ZC2HC1B: variants seen among roughly 807,000 people sequenced by gnomAD.
ZC2HC1B encodes zinc finger C2HC-type containing 1B.
ZC2HC1B carries 36 observed loss-of-function variants against 31.0 expected under a neutral mutation model. The ratio of observed to expected loss-of-function variants is 1.16; its 90% CI spans 0.89 to 1.54. The LOEUF is 1.54. Among genes scored for constraint, ZC2HC1B ranks in the 40% most tolerant of loss-of-function variants. ZC2HC1B has a pLI of 0.00. For synonymous variants in ZC2HC1B, 73 were observed against 88.0 expected, an observed-to-expected ratio of 0.83 and a Z score of 0.95; for missense variants, 260 against 268.6, an observed-to-expected ratio of 0.97 and a Z score of 0.22.
At chr6:143,898,784 T>G (rs1352522777) in intron 5 of ZC2HC1B, 93 bp downstream of exon 5, 3 of 1,444,908 alleles carry the variant, frequency 2.1e-6, no homozygotes, top group Non-Finnish European at 1.9e-6. Context: ...TTACCCATCC[T>G]AAGAAGTGTA....
At chr6:143,879,617 T>C (rs1250755948) in intron 1 of ZC2HC1B, among the ~76,000 whole-genome samples, 1 of 152,164 alleles carries the variant, frequency 6.6e-6, no homozygotes, top group African/African-American at 2.4e-5. Context: ...TGTCTTCCTT[T>C]TTTCTTCTCT....
rs1360995578 is a variant in ZC2HC1B at position 143,886,042 on chromosome 6, G to C, written c.101G>C (p.Gly34Ala). 2.0e-6 allele frequency: 3 copies of C among 1,533,408 alleles called. No individual in the cohort carries two copies. The highest frequency in any genetic ancestry group is 1.7e-4 in the Middle Eastern group (1 of 5,878). The allele number at this position is 1,533,408 out of a possible 1,614,324, so 95.0% of individuals were successfully genotyped here. ...RFAADVLERH[G>A]PICKKLFNRK... The stretch of plus-strand genomic sequence containing the variant: ...CTCTTCGTTTTCTAGGAAAGGCATG[G>C]ACCAATATGTAAGAAACTCTTCAAC... Residue 34 changes from glycine to alanine, a missense_variant, in exon 3 of 8, where the codon GGA (glycine) becomes GCA (alanine). Physicochemically the swap from Gly to Ala is moderately conservative, Grantham distance 60. Transcript: ENST00000237275. This position sits in a 1 kb window ranked among gnomAD's most constrained non-coding sequence, Gnocchi z 4.2.
intron 6 of ZC2HC1B, among the ~76,000 whole-genome samples, chr6:143,912,698 G>T (rs1777874524): frequency 1.3e-5 from 2 of 152,244 alleles, no homozygotes; most frequent in Non-Finnish European, 2.9e-5. Flanking sequence ...GAAGACTCCT[G>T]TTGGGGGGTC....
intron 1 of ZC2HC1B, among the ~76,000 whole-genome samples, chr6:143,873,822 C>A (rs893748391): frequency 2.0e-5 from 3 of 152,220 alleles, no homozygotes; most frequent in Non-Finnish European, 2.9e-5. Context: ...CCTCCTAGAC[C>A]TCTGGGCGTT....
chr6:143,895,941 C>T lies in ZC2HC1B; in HGVS notation c.350-2611C>T, dbSNP rs765099749. ...ATTGATAGAGGAAGAGAGGTGACTC[C>T]GATTGAGCTGAGTGTAGAACATGTA... On this transcript the variant is annotated intron_variant, in intron 4 of 7. Coordinates refer to ENST00000237275, the MANE Select transcript of ZC2HC1B (RefSeq NM_001013623.3). The surrounding 1 kb of genome is among the most constrained non-coding windows in gnomAD (Gnocchi z 4.8). Among the ~76,000 whole-genome samples the T allele has an allele frequency of 5.9e-5, 9 of 152,094 alleles. No individual in the cohort carries two copies. Among genetic ancestry groups the T allele is most frequent in the Non-Finnish European group, 1.3e-4 (9 of 68,028 alleles).
intron 5 of ZC2HC1B, among the ~76,000 whole-genome samples, chr6:143,901,053 G>A (rs1300181918): frequency 2.0e-5 from 3 of 151,832 alleles, no homozygotes; most frequent in Non-Finnish European, 2.9e-5. Flanking sequence ...TGGCCAGGCT[G>A]GTCACAAACC....
At chr6:143,930,064 G>A (rs533889810) in intron 6 of ZC2HC1B, among the ~76,000 whole-genome samples, 25 of 151,958 alleles carry the variant, frequency 1.6e-4, no homozygotes, top group Non-Finnish European at 2.5e-4. Context: ...TTGATCTTTT[G>A]TATTGTGTTT....
In ZC2HC1B at chr6:143,934,071, C is replaced by A. The variant is rs990025104; in HGVS notation, c.599-3578C>A. ...CTGCTGCTTCTACTTTTACATTTCA[C>A]AGCAAATCAATTTCAGCTCTAGGTA... is the stretch of plus-strand genomic sequence containing the variant. On this transcript the variant is annotated intron_variant, in intron 6 of 7. Transcript: ENST00000237275. This position sits in a 1 kb window ranked among gnomAD's most constrained non-coding sequence, Gnocchi z 4.6. 9.8e-5 allele frequency among the ~76,000 whole-genome samples: 15 copies of A among 152,348 alleles called. No homozygotes were observed. The highest frequency in any genetic ancestry group is 3.4e-3 in the Middle Eastern group (1 of 294).
chr6:143,882,239 T>A (rs1777475976), intron 1 of ZC2HC1B, among the ~76,000 whole-genome samples: 2 of 150,638 alleles, frequency 1.3e-5, no homozygotes, highest in Admixed American at 6.6e-5. Context: ...CCTTCACTAG[T>A]GTTTTAGAAA....
rs777914989 is a variant in ZC2HC1B, at chr6:143,886,492, A to T, written c.211-191A>T. ...TGATTTTTATTTTGTGTTTTCCCTCACTCTTGTGGCTTGCAAATTATATTA... is the reference window on the plus strand; with the variant it reads ...TGATTTTTATTTTGTGTTTTCCCTCTCTCTTGTGGCTTGCAAATTATATTA... On this transcript the variant is annotated intron_variant, in intron 3 of 7. Coordinates refer to ENST00000237275, the MANE Select transcript of ZC2HC1B (RefSeq NM_001013623.3). The surrounding 1 kb of genome is among the most constrained non-coding windows in gnomAD (Gnocchi z 4.2). Among the ~76,000 whole-genome samples, 1 of 151,734 alleles carries T rather than the reference A, an allele frequency of 6.6e-6. No homozygotes were observed. The highest frequency in any genetic ancestry group is 1.5e-5 in the Non-Finnish European group (1 of 67,890).
rs188286934 is a variant in ZC2HC1B at position 143,885,169 on chromosome 6, A to G, written c.90+804A>G. ...CTGACTATGTTTTGGACAAAAGACT[A>G]TAAAATGAGGTTGTAGGTTTTATTT... On this transcript the variant is annotated intron_variant, in intron 2 of 7. Transcript: ENST00000237275. This position sits in a 1 kb window ranked among gnomAD's most constrained non-coding sequence, Gnocchi z 4.2. Among the ~76,000 whole-genome samples the G allele has an allele frequency of 2.0e-5, 3 of 152,322 alleles. No individual in the cohort carries two copies. The highest frequency in any genetic ancestry group is 4.4e-5 in the Non-Finnish European group (3 of 68,012).
Position 143,918,726 on chromosome 6 carries a change from C to G in ZC2HC1B, c.598+15574C>G, listed in dbSNP as rs1340281899. Among the ~76,000 whole-genome samples the G allele has an allele frequency of 6.6e-6, 1 of 152,184 alleles. No individual in the cohort carries two copies. Among genetic ancestry groups the G allele is most frequent in the South Asian group, 2.1e-4 (1 of 4,828 alleles). On this transcript the variant is annotated intron_variant, in intron 6 of 7. Transcript: ENST00000237275. This position sits in a 1 kb window ranked among gnomAD's most constrained non-coding sequence, Gnocchi z 4.1. ...CAGTGTCCCACAGGTCCCTAAGGCTCTGTTCACCTTTCCTTAAGTTTTTCT... is the reference window on the plus strand; with the variant it reads ...CAGTGTCCCACAGGTCCCTAAGGCTGTGTTCACCTTTCCTTAAGTTTTTCT...
In ZC2HC1B at chr6:143,885,128, G is replaced by C. The variant is rs916098668; in HGVS notation, c.90+763G>C. Among the ~76,000 whole-genome samples, 6 of 152,174 alleles carry C rather than the reference G, an allele frequency of 3.9e-5. No homozygotes were observed. The highest frequency in any genetic ancestry group is 1.2e-4 in the African/African-American group (5 of 41,448). ...AAGGAGACTTATCTGGAACTTAAAG[G>C]ATGTGGACTGTAAGCCTGACTATGT... On this transcript the variant is annotated intron_variant, in intron 2 of 7. Coordinates refer to ENST00000237275, the MANE Select transcript of ZC2HC1B (RefSeq NM_001013623.3). This position sits in a 1 kb window ranked among gnomAD's most constrained non-coding sequence, Gnocchi z 4.2.
intron 6 of ZC2HC1B, among the ~76,000 whole-genome samples, chr6:143,920,805 G>A (rs1777977972): frequency 6.6e-6 from 1 of 151,660 alleles, no homozygotes; most frequent in Non-Finnish European, 1.5e-5. Flanking sequence ...CTACTCGGGA[G>A]GCTGAGGCAG....
rs1582956454 is a variant in ZC2HC1B at position 143,885,898 on chromosome 6, G to A, written c.91-134G>A. 2.0e-6 allele frequency: 2 copies of A among 998,148 alleles called. No individual in the cohort carries two copies. The highest frequency in any genetic ancestry group is 6.1e-5 in the East Asian group (2 of 32,782). The allele number at this position is 998,148 out of a possible 1,614,324, so 61.8% of individuals were successfully genotyped here. A position where few individuals can be genotyped will look rare whatever the true frequency, so the allele number is the denominator to read the frequency against. ...AAGAGCCAGATGGATTTGCTCTGCTGTGACCTGTTAGAGAATGAACTAGGC... is the reference window on the plus strand; with the variant it reads ...AAGAGCCAGATGGATTTGCTCTGCTATGACCTGTTAGAGAATGAACTAGGC... On this transcript the variant is annotated intron_variant, in intron 2 of 7. Transcript: ENST00000237275. The surrounding 1 kb of genome is among the most constrained non-coding windows in gnomAD (Gnocchi z 4.2).
At position 143,921,263 on chromosome 6, in the gene ZC2HC1B, T is replaced by C. The variant is rs1777984079; in HGVS notation, c.599-16386T>C. ...AACCAAGCCTTCCCTAATTCCTTTGTAATTATTTCCACATAGCATTTATCA... is the reference window on the plus strand; with the variant it reads ...AACCAAGCCTTCCCTAATTCCTTTGCAATTATTTCCACATAGCATTTATCA... On this transcript the variant is annotated intron_variant, in intron 6 of 7. Transcript: ENST00000237275. This position sits in a 1 kb window ranked among gnomAD's most constrained non-coding sequence, Gnocchi z 6.1. Among the ~76,000 whole-genome samples, 1 of 152,248 alleles carries C rather than the reference T, an allele frequency of 6.6e-6. No individual in the cohort carries two copies. The highest frequency in any genetic ancestry group is 1.5e-5 in the Non-Finnish European group (1 of 68,044).
chr6:143,921,450 G>A lies in ZC2HC1B; in HGVS notation c.599-16199G>A, dbSNP rs1031911018. On this transcript the variant is annotated intron_variant, in intron 6 of 7. Coordinates refer to ENST00000237275, the MANE Select transcript of ZC2HC1B (RefSeq NM_001013623.3). This position sits in a 1 kb window ranked among gnomAD's most constrained non-coding sequence, Gnocchi z 6.1. The stretch of plus-strand genomic sequence containing the variant: ...GTTTGTGGCACACAAGAGGGACTCA[G>A]TAAATACTTGTTGAATGAAATGTAT... 1.3e-5 allele frequency among the ~76,000 whole-genome samples: 2 copies of A among 152,164 alleles called. No homozygotes were observed. Among genetic ancestry groups the A allele is most frequent in the African/African-American group, 4.8e-5 (2 of 41,430 alleles).
chr6:143,927,829 A>G (rs943643048), intron 6 of ZC2HC1B, among the ~76,000 whole-genome samples: 2 of 152,204 alleles, frequency 1.3e-5, no homozygotes, highest in Admixed American at 6.5e-5. Context: ...AACAGTAGCC[A>G]TTCTGACTGG....
In ZC2HC1B at chr6:143,922,975, G is replaced by A. The variant is rs189732301; in HGVS notation, c.599-14674G>A. On this transcript the variant is annotated intron_variant, in intron 6 of 7. Transcript: ENST00000237275. The surrounding 1 kb of genome is among the most constrained non-coding windows in gnomAD (Gnocchi z 5.0). ...ACTAATTTACTTTCCAACCAACAGT[G>A]TATAATATAGAGTTCCCTTTTCTCC... 2.5e-4 allele frequency among the ~76,000 whole-genome samples: 38 copies of A among 152,222 alleles called. No individual in the cohort carries two copies. Among genetic ancestry groups the A allele is most frequent in the African/African-American group, 9.1e-4 (38 of 41,552 alleles).
Sources: gnomAD v4.1 joint callset for allele counts (sites outside exome capture counted in the v4.1 genomes callset) on GRCh38, gnomAD v4.1.1 for gene constraint, Gnocchi (gnomAD v3.1) non-coding constraint, MANE v1.5 for transcripts, NCBI Gene and HGNC (gene_info 2026-07-23, HGNC 2026-07-21) for gene names.